Variants in USH2A observed in about 807,000 individuals in gnomAD.
The protein encoded by USH2A is Usher syndrome 2A (autosomal recessive, mild).
USH2A carries 443 observed loss-of-function variants against 538.9 expected under a neutral mutation model. The observed-to-expected ratio is 0.82, with a 90% CI of 0.76 to 0.89. USH2A has a LOEUF of 0.89. USH2A is among the 40% of genes least tolerant of loss of function. The pLI is 0.00. For synonymous variants in USH2A, 2,413 were observed against 2,273.5 expected (o/e 1.06, Z -1.75); for missense variants, 6,633 against 6,324.8 (o/e 1.05, Z -1.65).
intron 61 of USH2A, among the ~76,000 whole-genome samples, chr1:215,687,574 T>C (rs77693926): frequency 0.01 from 1,584 of 152,138 alleles, 35 homozygotes; most frequent in African/African-American, 0.033. Flanking sequence ...GGTTTTGAAA[T>C]GCCTCATTTT....
At chr1:216,273,332 G>A (rs1453635101) in intron 11 of USH2A, among the ~76,000 whole-genome samples, 1 of 151,956 alleles carries the variant, frequency 6.6e-6, no homozygotes, top group Non-Finnish European at 1.5e-5. Flanking sequence ...AGCTTCCACG[G>A]ACTCTCAAAA....
At chr1:215,844,154 C>T in intron 46 of USH2A, 140 bp downstream of exon 46, 2 of 876,450 alleles carry the variant, frequency 2.3e-6, no homozygotes, top group Non-Finnish European at 1.8e-6. Context: ...TAATTCTGAT[C>T]AATTTCCCTT....
chr1:216,292,387 C>A lies in USH2A; in HGVS notation c.1645-17G>T, dbSNP rs1365080926. ...GCGATCACACTAGAACAAAAAATAT[C>A]AGAACAGTAAAGAAAATAAAGCTGT... is the stretch of plus-strand genomic sequence containing the variant. On this transcript the variant is annotated splice_polypyrimidine_tract_variant and intron_variant, in intron 9 of 71. Coordinates refer to ENST00000307340, the MANE Select transcript of USH2A (RefSeq NM_206933.4). The A allele has an allele frequency of 1.2e-5, 19 of 1,612,252 alleles. No homozygotes were observed. Among genetic ancestry groups the A allele is most frequent in the Non-Finnish European group, 1.6e-5 (19 of 1,179,058 alleles).
At chr1:216,113,649 G>A (rs919346082) in intron 21 of USH2A, among the ~76,000 whole-genome samples, 2 of 151,662 alleles carry the variant, frequency 1.3e-5, no homozygotes, top group African/African-American at 4.8e-5. Context: ...CCACATTAAG[G>A]GTATGGTTTC....
chr1:216,280,208 C>A (rs749191207), intron 11 of USH2A, among the ~76,000 whole-genome samples: 1 of 151,642 alleles, frequency 6.6e-6, no homozygotes, highest in African/African-American at 2.4e-5. Flanking sequence ...GCATTAAGTT[C>A]AAGCAAACAA....
chr1:215,660,430 T>C (rs1657405667), intron 64 of USH2A, among the ~76,000 whole-genome samples: 1 of 152,142 alleles, frequency 6.6e-6, no homozygotes, highest in Non-Finnish European at 1.5e-5. Context: ...ATAGCAATTG[T>C]GCAACTCACT....
chr1:215,900,476 T>C (rs1665464155), intron 39 of USH2A, among the ~76,000 whole-genome samples: 1 of 152,214 alleles, frequency 6.6e-6, no homozygotes, highest in Admixed American at 6.5e-5. Flanking sequence ...TATAATTTGT[T>C]AGCGACAGTT....
chr1:216,017,618 A>T (rs929938363), intron 32 of USH2A, among the ~76,000 whole-genome samples: 1 of 152,208 alleles, frequency 6.6e-6, no homozygotes, highest in Non-Finnish European at 1.5e-5. Flanking sequence ...ACATAATAAG[A>T]ATAATAAGTT....
intron 35 of USH2A, among the ~76,000 whole-genome samples, chr1:215,986,154 C>G (rs1667867858): frequency 6.6e-6 from 1 of 152,098 alleles, no homozygotes; most frequent in Non-Finnish European, 1.5e-5. Context: ...TGGTCTCACT[C>G]TGTCACCCAG....
chr1:216,187,231 G>T (rs1198436674), intron 20 of USH2A, among the ~76,000 whole-genome samples: 1 of 151,644 alleles, frequency 6.6e-6, no homozygotes, highest in Non-Finnish European at 1.5e-5. Context: ...CTTTCTCACA[G>T]CCCTTAGCAC....
chr1:215,840,829 C>T (rs1052609552), intron 46 of USH2A, among the ~76,000 whole-genome samples: 2 of 152,158 alleles, frequency 1.3e-5, no homozygotes, highest in Non-Finnish European at 2.9e-5. Context: ...CCTCCATCAC[C>T]TTCCTGTGTT....
chr1:215,966,100 C>T (rs370265369), intron 36 of USH2A, among the ~76,000 whole-genome samples: 1 of 151,960 alleles, frequency 6.6e-6, no homozygotes, highest in African/African-American at 2.4e-5. Context: ...ATCCCTAAGG[C>T]ACAATCACAA....
intron 52 of USH2A, among the ~76,000 whole-genome samples, chr1:215,784,681 G>T (rs538356259): frequency 6.6e-6 from 1 of 152,244 alleles, no homozygotes; most frequent in African/African-American, 2.4e-5. Flanking sequence ...AATCTAAATT[G>T]TTCTCAATGG....
chr1:215,709,145 A>T (rs1190439680), intron 61 of USH2A, among the ~76,000 whole-genome samples: 2 of 152,158 alleles, frequency 1.3e-5, no homozygotes, highest in African/African-American at 4.8e-5. Flanking sequence ...GATCAAGAAC[A>T]CTCAGGAAAG....
intron 47 of USH2A, among the ~76,000 whole-genome samples, chr1:215,828,199 C>T (rs1459070429): frequency 6.6e-6 from 1 of 151,964 alleles, no homozygotes; most frequent in African/African-American, 2.4e-5. Context: ...TCTGTAATAC[C>T]AGCAATTTAG....
intron 38 of USH2A, among the ~76,000 whole-genome samples, chr1:215,926,614 C>CTTTTTTT (rs10673615): frequency 0.41 from 30,509 of 75,320 alleles, 7,882 homozygotes; most frequent in East Asian, 0.52. Context: ...ACCTACCTAT[C>CTTTTTTT]TTTTTTTTTT....
intron 11 of USH2A, among the ~76,000 whole-genome samples, chr1:216,253,779 T>A (rs2036208056): frequency 6.6e-6 from 1 of 152,216 alleles, no homozygotes; most frequent in Non-Finnish European, 1.5e-5. Context: ...TTAAACCTTA[T>A]TAAAGATTCG....
intron 15 of USH2A, among the ~76,000 whole-genome samples, chr1:216,209,936 A>T (rs867034108): frequency 6.6e-6 from 1 of 152,126 alleles, no homozygotes; most frequent in African/African-American, 2.4e-5. Context: ...AGGCCAGGGA[A>T]ACTAAAAATA....
intron 60 of USH2A, among the ~76,000 whole-genome samples, chr1:215,730,052 T>A (rs1193867667): frequency 6.6e-6 from 1 of 152,192 alleles, no homozygotes; most frequent in Non-Finnish European, 1.5e-5. Flanking sequence ...AGGCTCATCT[T>A]TAGATTTTGT....
Sources: gnomAD v4.1 joint callset for allele counts (sites outside exome capture counted in the v4.1 genomes callset) on GRCh38, gnomAD v4.1.1 for gene constraint, MANE v1.5 for transcripts, NCBI Gene and HGNC (gene_info 2026-07-23, HGNC 2026-07-21) for gene names.